The following RAF1 variants were observed in gnomAD, a reference collection of about 807,000 sequenced individuals.
The protein encoded by RAF1 is RAF proto-oncogene serine/threonine-protein kinase.
In RAF1, 27 loss-of-function variants were observed where a neutral mutation model predicts 81.1. The observed-to-expected ratio is 0.33, with a 90% CI of 0.25 to 0.46. The LOEUF is 0.46. RAF1 is among the 20% of genes least tolerant of loss of function. RAF1 has a pLI of 1.00. For missense variants in RAF1, 598 were observed against 826.0 expected (o/e 0.72, Z 3.38); for synonymous variants, 298 against 294.0 (o/e 1.01, Z -0.14).
intron 1 of RAF1, among the ~76,000 whole-genome samples, chr3:12,646,691 T>C (rs1293168272): frequency 1.3e-5 from 2 of 151,504 alleles, no homozygotes; most frequent in Non-Finnish European, 2.9e-5. Context: ...GCTGGGATTA[T>C]AGGCACACAC....
In RAF1 at chr3:12,585,560, T is replaced by G. The variant is rs955351194; in HGVS notation, c.1596+121A>C. Reference sequence around the variant, plus strand: ...TCTACAATTGCCCTGAGGCTGGCTGTCACTAGGGGTCATGTGGATTTCGGG... The same window carrying G: ...TCTACAATTGCCCTGAGGCTGGCTGGCACTAGGGGTCATGTGGATTTCGGG... On this transcript the variant is annotated intron_variant, in intron 15 of 17. Coordinates refer to ENST00000442415, the MANE Select transcript of RAF1 (RefSeq NM_001354689.3). The G allele has an allele frequency of 1.4e-5, 19 of 1,328,344 alleles. No individual in the cohort carries two copies. In the African/African-American group the frequency reaches 1.6e-4, roughly 11 times the overall value. 82.3% of individuals were successfully genotyped at this position (1,328,344 alleles called of 1,614,324 possible).
chr3:12,594,086 G>A (rs1263773156), intron 11 of RAF1, among the ~76,000 whole-genome samples: 2 of 152,152 alleles, frequency 1.3e-5, no homozygotes, highest in Non-Finnish European at 2.9e-5. Context: ...GTAAACTCTA[G>A]GGTAGGATTT....
At chr3:12,586,748 T>A (rs2058345727) in intron 14 of RAF1, 1 of 152,226 alleles carries the variant, frequency 6.6e-6, no homozygotes, top group Admixed American at 6.5e-5. Flanking sequence ...ATACCTTTCT[T>A]CATTTACTCT....
intron 8 of RAF1, among the ~76,000 whole-genome samples, chr3:12,601,820 G>T (rs1272839822): frequency 6.6e-6 from 1 of 152,144 alleles, no homozygotes; most frequent in African/African-American, 2.4e-5. Context: ...ACTCTGGAAA[G>T]AAGAATGAAG....
At chr3:12,662,961 G>A (rs1004102980) in intron 1 of RAF1, among the ~76,000 whole-genome samples, 25 of 152,034 alleles carry the variant, frequency 1.6e-4, no homozygotes, top group African/African-American at 5.6e-4. Context: ...TTTCCACTTA[G>A]ATTAAGTGAC....
chr3:12,587,273 T>G (rs2125331022), intron 14 of RAF1: 1 of 379,274 alleles, frequency 2.6e-6, no homozygotes, highest in Non-Finnish European at 4.8e-6. Flanking sequence ...CCAATCCCCG[T>G]CAGGTTACAT....
intron 1 of RAF1, among the ~76,000 whole-genome samples, chr3:12,645,609 T>C (rs1259081848): frequency 1.3e-5 from 2 of 152,218 alleles, no homozygotes; most frequent in African/African-American, 4.8e-5. Flanking sequence ...GACTTAATTT[T>C]TGGAATACAG....
chr3:12,620,924 AGAGTT>A (rs2059540011), intron 1 of RAF1, among the ~76,000 whole-genome samples: 1 of 151,536 alleles, frequency 6.6e-6, no homozygotes, highest in Non-Finnish European at 1.5e-5. Flanking sequence ...TTCAGAGTTC[AGAGTT>A]CAGTTCATTC....
intron 1 of RAF1, among the ~76,000 whole-genome samples, chr3:12,621,834 A>G (rs555165137): frequency 6.6e-6 from 1 of 152,330 alleles, no homozygotes; most frequent in Non-Finnish European, 1.5e-5. Flanking sequence ...AAAAATGAAC[A>G]AGTCTGAACC....
At chr3:12,593,979 G>A (rs1191201170) in intron 11 of RAF1, among the ~76,000 whole-genome samples, 2 of 152,024 alleles carry the variant, frequency 1.3e-5, no homozygotes, top group African/African-American at 4.8e-5. Flanking sequence ...TAAACCAAGG[G>A]AAGGATTTTA....
intron 1 of RAF1, among the ~76,000 whole-genome samples, chr3:12,621,510 C>A (rs891317378): frequency 4.6e-5 from 7 of 152,198 alleles, no homozygotes; most frequent in African/African-American, 1.7e-4. Context: ...CTTAAGATCA[C>A]AACATGGAGT....
intron 1 of RAF1, among the ~76,000 whole-genome samples, chr3:12,630,723 G>A (rs947109165): frequency 6.6e-6 from 1 of 152,146 alleles, no homozygotes; most frequent in Admixed American, 6.5e-5. Flanking sequence ...GTTATTAAAA[G>A]GACTTTTTGC....
rs768605801 is a variant in RAF1, at chr3:12,616,962, T to G, written c.207+1553A>C. 2.3e-3 allele frequency among the ~76,000 whole-genome samples: 351 copies of G among 152,292 alleles called. 1 individual carries two copies. Among genetic ancestry groups the G allele is most frequent in the Non-Finnish European group, 3.3e-3 (222 of 68,026 alleles). On this transcript the variant is annotated intron_variant, in intron 2 of 17. Coordinates refer to ENST00000442415, the MANE Select transcript of RAF1 (RefSeq NM_001354689.3). ...TTTTTCTTTTCTTTGAGAAGGGGTC[T>G]GGCTCTCTGTCACCCAGGCTGGGGT...
At chr3:12,633,908 C>T (rs1575629919) in intron 1 of RAF1, among the ~76,000 whole-genome samples, 1 of 135,836 alleles carries the variant, frequency 7.4e-6, no homozygotes, top group Non-Finnish European at 1.6e-5. Flanking sequence ...GCACTCCAGC[C>T]AGGGCAACAA....
rs2058247659 is a variant in RAF1 at position 12,584,390 on chromosome 3, A to G, written c.*124T>C. 12 of 1,257,150 alleles carry G rather than the reference A, an allele frequency of 9.5e-6. No homozygotes were observed. Among genetic ancestry groups the G allele is most frequent in the African/African-American group, 5.9e-5 (4 of 67,772 alleles). The allele number at this position is 1,257,150 out of a possible 1,614,324, so 77.9% of individuals were successfully genotyped here. On this transcript the variant is annotated 3_prime_UTR_variant, in exon 18 of 18. Coordinates refer to ENST00000442415, the MANE Select transcript of RAF1 (RefSeq NM_001354689.3). ...GAAGTTAAGGCCCTGTGAGCAGTCT[A>G]GAAGGTCCTTAGCAGCAGCTTCTCT...
chr3:12,612,179 T>C (rs535534618), intron 2 of RAF1, 117 bp from the exon 3 acceptor site: 59 of 774,444 alleles, frequency 7.6e-5, no homozygotes, highest in Admixed American at 1.9e-4. Context: ...CACACACACA[T>C]ATACGAAACA....
At chr3:12,595,421 G>A (rs532540165) in intron 11 of RAF1, among the ~76,000 whole-genome samples, 1 of 152,214 alleles carries the variant, frequency 6.6e-6, no homozygotes, top group East Asian at 1.9e-4. Context: ...TGGGCTCTCA[G>A]ACAGATAATG....
rs529145288 is a variant in RAF1 at position 12,606,895 on chromosome 3, T to C, written c.582-596A>G. ...TAGCAGAGACGGGGTTTCACTATGT[T>C]GGCCAGGCTGGTCTCGAACTCCTGA... On this transcript the variant is annotated intron_variant, in intron 5 of 17. Coordinates refer to ENST00000442415, the MANE Select transcript of RAF1 (RefSeq NM_001354689.3). Among the ~76,000 whole-genome samples the C allele has an allele frequency of 1.2e-4, 18 of 152,260 alleles. No homozygotes were observed. In the South Asian group the frequency reaches 3.5e-3, roughly 30 times the overall value.
chr3:12,659,315 C>T (rs1377039677), intron 1 of RAF1, among the ~76,000 whole-genome samples: 2 of 149,698 alleles, frequency 1.3e-5, no homozygotes, highest in Admixed American at 1.4e-4. Context: ...GTAATCCCAG[C>T]TACTCGGGAG....
Sources: gnomAD v4.1 joint callset for allele counts (sites outside exome capture counted in the v4.1 genomes callset) on GRCh38, gnomAD v4.1.1 for gene constraint, MANE v1.5 for transcripts, NCBI Gene and HGNC (gene_info 2026-07-23, HGNC 2026-07-21) for gene names.